OR51B5: variants seen among roughly 807,000 people sequenced by gnomAD.
The protein encoded by OR51B5 is olfactory receptor family 51 subfamily B member 5.
For synonymous variants in OR51B5, 186 were observed against 144.8 expected, an observed-to-expected ratio of 1.28 and a Z score of -2.04; for missense variants, 456 against 374.6, an observed-to-expected ratio of 1.22 and a Z score of -1.79.
At chr11:5,356,307 G>A (rs1039518289) in intron 1 of OR51B5, among the ~76,000 whole-genome samples, 5 of 151,956 alleles carry the variant, frequency 3.3e-5, no homozygotes, top group African/African-American at 1.2e-4. Flanking sequence ...GAAAACCAAG[G>A]CATGAGAACT....
intron 1 of OR51B5, chr11:5,422,294 C>G: frequency 6.2e-7 from 1 of 1,614,060 alleles, no homozygotes; most frequent in East Asian, 2.2e-5. Context: ...GATCTCCATC[C>G]CCGTCTGCTG....
chr11:5,350,147 T>C (rs1849055704), intron 1 of OR51B5, among the ~76,000 whole-genome samples: 2 of 152,174 alleles, frequency 1.3e-5, no homozygotes, highest in East Asian at 3.9e-4. Flanking sequence ...ATCCACTCTT[T>C]ACAAAACATT....
chr11:5,378,327 C>T (rs1176571393), intron 1 of OR51B5, among the ~76,000 whole-genome samples: 1 of 151,964 alleles, frequency 6.6e-6, no homozygotes, highest in Non-Finnish European at 1.5e-5. Flanking sequence ...GGATTAAAGA[C>T]TTAAACATTA....
At chr11:5,468,430 C>A in intron 1 of OR51B5, 1 of 323,656 alleles carries the variant, frequency 3.1e-6, no homozygotes, top group South Asian at 2.5e-5. Flanking sequence ...CCTGGTACAC[C>A]CAAACATCAG....
chr11:5,448,403 T>C (rs142037492), intron 1 of OR51B5, among the ~76,000 whole-genome samples: 113 of 152,282 alleles, frequency 7.4e-4, no homozygotes, highest in African/African-American at 2.4e-3. Flanking sequence ...TATTGTTGCA[T>C]TGAGGTAGGG....
chr11:5,397,106 A>G (rs1352228587), intron 1 of OR51B5, among the ~76,000 whole-genome samples: 1 of 152,254 alleles, frequency 6.6e-6, no homozygotes, highest in African/African-American at 2.4e-5. Context: ...AAACTCTAGA[A>G]GAAAACCTAA....
chr11:5,355,368 T>C (rs936767032), intron 1 of OR51B5: 1 of 156,918 alleles, frequency 6.4e-6, no homozygotes, highest in Non-Finnish European at 1.4e-5. Context: ...ACAAACAGTA[T>C]GAAGTGATGA....
intron 1 of OR51B5, among the ~76,000 whole-genome samples, chr11:5,428,220 C>T (rs1850478581): frequency 6.6e-6 from 1 of 151,788 alleles, no homozygotes; most frequent in Non-Finnish European, 1.5e-5. Flanking sequence ...ATAGGCGTAC[C>T]TTGGAGATAA....
chr11:5,426,215 G>C (rs1850448559), intron 1 of OR51B5, among the ~76,000 whole-genome samples: 2 of 152,194 alleles, frequency 1.3e-5, no homozygotes, highest in African/African-American at 4.8e-5. Context: ...TGGGGAAAGT[G>C]AAGTGTTGAA....
At chr11:5,436,455 G>A (rs775023478) in intron 1 of OR51B5, among the ~76,000 whole-genome samples, 1 of 152,150 alleles carries the variant, frequency 6.6e-6, no homozygotes, top group Non-Finnish European at 1.5e-5. Context: ...CTCGCAAGGT[G>A]TCTCCTATTC....
chr11:5,490,625 T>C (rs1322992602), intron 1 of OR51B5, among the ~76,000 whole-genome samples: 2 of 152,150 alleles, frequency 1.3e-5, no homozygotes, highest in Non-Finnish European at 2.9e-5. Flanking sequence ...AAAGAGATGA[T>C]TGTTGTTATT....
intron 1 of OR51B5, among the ~76,000 whole-genome samples, chr11:5,378,070 G>C (rs1404389956): frequency 1.3e-5 from 2 of 152,082 alleles, no homozygotes; most frequent in African/African-American, 2.4e-5. Flanking sequence ...ATACTACAAG[G>C]CTACAGTAAC....
chr11:5,426,092 T>G (rs910289153), intron 1 of OR51B5, among the ~76,000 whole-genome samples: 5 of 152,196 alleles, frequency 3.3e-5, no homozygotes, highest in African/African-American at 1.2e-4. Context: ...TGCATATTGC[T>G]AAGTGAAAGA....
intron 1 of OR51B5, chr11:5,390,051 C>G (rs1038376819): frequency 1.2e-6 from 2 of 1,613,700 alleles, no homozygotes; most frequent in Non-Finnish European, 1.7e-6. Flanking sequence ...GTAGTTTTCA[C>G]TGTGATGCTG....
chr11:5,386,292 A>G (rs11037149), intron 1 of OR51B5, among the ~76,000 whole-genome samples: 27,495 of 152,004 alleles, frequency 0.18, 2,632 homozygotes, highest in African/African-American at 0.25. Flanking sequence ...AACAAGAAGG[A>G]CCGGGCTAAA....
chr11:5,496,369 T>A (rs1396028320), intron 1 of OR51B5, among the ~76,000 whole-genome samples: 2 of 1,146 alleles, frequency 1.7e-3, no homozygotes, highest in East Asian at 0.056. Context: ...GCAACAAAAA[T>A]GCGATCATTC....
At chr11:5,457,184 C>A (rs577550019) in intron 1 of OR51B5, among the ~76,000 whole-genome samples, 1 of 152,274 alleles carries the variant, frequency 6.6e-6, no homozygotes, top group South Asian at 2.1e-4. Flanking sequence ...ATCTTTGTGT[C>A]CATGTGTATT....
intron 1 of OR51B5, among the ~76,000 whole-genome samples, chr11:5,466,401 C>G (rs1173479400): frequency 1.3e-5 from 2 of 151,942 alleles, no homozygotes; most frequent in Non-Finnish European, 2.9e-5. Context: ...ATGAGAATTC[C>G]CAATTTTACT....
chr11:5,428,198 T>C (rs558653259), intron 1 of OR51B5, among the ~76,000 whole-genome samples: 3 of 152,138 alleles, frequency 2.0e-5, no homozygotes, highest in African/African-American at 7.2e-5. Flanking sequence ...ATCTGAATAT[T>C]CTTGAGAAGA....
Sources: allele counts gnomAD v4.1 joint callset (sites outside exome capture counted in the v4.1 genomes callset), GRCh38; gene constraint gnomAD v4.1.1; transcripts MANE v1.5; gene names NCBI Gene and HGNC (gene_info 2026-07-23, HGNC 2026-07-21).